OSBPL10: variants seen among roughly 807,000 people sequenced by gnomAD.
OSBPL10 encodes oxysterol-binding protein-related protein 10.
In OSBPL10, 49 loss-of-function variants were observed where a neutral mutation model predicts 81.7. The observed-to-expected ratio is 0.60, with a 90% CI of 0.48 to 0.76. The LOEUF is 0.76. OSBPL10 is among the 30% of genes least tolerant of loss of function. OSBPL10 has a pLI of 0.00. For missense variants in OSBPL10, 923 were observed against 987.8 expected, an observed-to-expected ratio of 0.93 and a Z score of 0.88; for synonymous variants, 419 against 383.6, an observed-to-expected ratio of 1.09 and a Z score of -1.08.
intron 1 of OSBPL10, among the ~76,000 whole-genome samples, chr3:31,932,946 T>C: frequency 6.6e-6 from 1 of 152,208 alleles, no homozygotes; most frequent in East Asian, 1.9e-4. Context: ...AACTGTACAC[T>C]TGAAAAGGTT....
chr3:31,686,212 G>A (rs1412154135), intron 7 of OSBPL10, among the ~76,000 whole-genome samples: 1 of 152,152 alleles, frequency 6.6e-6, no homozygotes, highest in Non-Finnish European at 1.5e-5. Context: ...AGAATTGTGA[G>A]CTAAATAAAT....
At chr3:31,774,334 A>G (rs1232078425) in intron 4 of OSBPL10, among the ~76,000 whole-genome samples, 1 of 152,122 alleles carries the variant, frequency 6.6e-6, no homozygotes, top group South Asian at 2.1e-4. Flanking sequence ...AAAGGATCCA[A>G]TAAATTGACT....
chr3:31,661,617 T>C lies in OSBPL10; in HGVS notation c.*455A>G, dbSNP rs1341103087. On this transcript the variant is annotated 3_prime_UTR_variant, in exon 12 of 12. Coordinates refer to ENST00000396556, the MANE Select transcript of OSBPL10 (RefSeq NM_017784.5). The stretch of plus-strand genomic sequence containing the variant: ...CTTCTACCAGGAATGAGCCACTTTC[T>C]CCCTTATGGACAGTGATCGGGCCAT... The C allele has an allele frequency of 6.6e-6, 1 of 152,628 alleles. No individual in the cohort carries two copies. The highest frequency in any genetic ancestry group is 1.5e-5 in the Non-Finnish European group (1 of 68,380). 9.5% of individuals were successfully genotyped at this position (152,628 alleles called of 1,614,324 possible). A position where few individuals can be genotyped will look rare whatever the true frequency, so the allele number is the denominator to read the frequency against.
At chr3:32,028,847 C>T (rs1699439530) in intron 2 of OSBPL10, among the ~76,000 whole-genome samples, 1 of 151,560 alleles carries the variant, frequency 6.6e-6, no homozygotes, top group Admixed American at 6.6e-5. Context: ...TATTTGTCCC[C>T]TCCAAAACTC....
At chr3:31,691,889 C>T (rs1695565278) in intron 7 of OSBPL10, among the ~76,000 whole-genome samples, 2 of 152,072 alleles carry the variant, frequency 1.3e-5, no homozygotes, top group African/African-American at 4.8e-5. Context: ...AGGAGAAATA[C>T]ACAAAAATCC....
intron 1 of OSBPL10, among the ~76,000 whole-genome samples, chr3:31,898,925 A>G (rs1696144496): frequency 6.7e-6 from 1 of 148,264 alleles, no homozygotes; most frequent in Non-Finnish European, 1.5e-5. Flanking sequence ...GGTTTGGGAG[A>G]AAGTTTAAGA....
intron 1 of OSBPL10, among the ~76,000 whole-genome samples, chr3:31,975,267 C>T (rs1013637294): frequency 6.6e-5 from 10 of 152,172 alleles, no homozygotes; most frequent in Non-Finnish European, 1.3e-4. Flanking sequence ...TCAAAACACT[C>T]TGGCAGACTA....
chr3:31,933,017 T>C (rs560763504), intron 1 of OSBPL10, among the ~76,000 whole-genome samples: 1 of 152,294 alleles, frequency 6.6e-6, no homozygotes, highest in East Asian at 1.9e-4. Flanking sequence ...TAAAATCAAA[T>C]ATTTCTCCTT....
At chr3:31,914,008 T>A (rs62243039) in intron 1 of OSBPL10, among the ~76,000 whole-genome samples, 1 of 152,060 alleles carries the variant, frequency 6.6e-6, no homozygotes, top group East Asian at 1.9e-4. Context: ...CTGAAACCTC[T>A]GCCTCCTGGG....
intron 1 of OSBPL10, among the ~76,000 whole-genome samples, chr3:31,887,815 AT>A (rs1408176079): frequency 6.6e-6 from 1 of 152,170 alleles, no homozygotes; most frequent in Non-Finnish European, 1.5e-5. Context: ...AAAATCTGGA[AT>A]CTTCTTAACT....
chr3:31,746,087 C>G (rs1389350888), intron 5 of OSBPL10, among the ~76,000 whole-genome samples: 2 of 152,154 alleles, frequency 1.3e-5, no homozygotes, highest in East Asian at 3.9e-4. Flanking sequence ...GCTATTTTTA[C>G]CTTTATCTTA....
At chr3:31,760,005 G>T (rs890826647) in intron 4 of OSBPL10, among the ~76,000 whole-genome samples, 1 of 152,136 alleles carries the variant, frequency 6.6e-6, no homozygotes, top group Non-Finnish European at 1.5e-5. Flanking sequence ...CAAGTGCGCT[G>T]CCCACCTTGA....
At chr3:31,743,674 AGTG>A (rs1184548943) in intron 5 of OSBPL10, among the ~76,000 whole-genome samples, 1 of 151,654 alleles carries the variant, frequency 6.6e-6, no homozygotes, top group Non-Finnish European at 1.5e-5. Flanking sequence ...AAAAAAAAAC[AGTG>A]CAAGGATCAG....
intron 1 of OSBPL10, among the ~76,000 whole-genome samples, chr3:32,048,047 A>G (rs1418411048): frequency 6.6e-6 from 1 of 152,070 alleles, no homozygotes; most frequent in Non-Finnish European, 1.5e-5. Context: ...TCCTGTGACT[A>G]AGAATGCAGC....
At chr3:31,731,549 T>A (rs368577864) in intron 6 of OSBPL10, among the ~76,000 whole-genome samples, 1 of 151,548 alleles carries the variant, frequency 6.6e-6, no homozygotes, top group East Asian at 1.9e-4. Context: ...AGTGCAATGG[T>A]GCGATCTTGG....
chr3:32,028,234 T>A (rs115115904), intron 2 of OSBPL10, among the ~76,000 whole-genome samples: 1 of 152,230 alleles, frequency 6.6e-6, no homozygotes, highest in African/African-American at 2.4e-5. Flanking sequence ...TTGGTCTTCA[T>A]GTCAAATGTA....
intron 1 of OSBPL10, among the ~76,000 whole-genome samples, chr3:31,916,999 T>C (rs1696774653): frequency 6.6e-6 from 1 of 152,022 alleles, no homozygotes; most frequent in Non-Finnish European, 1.5e-5. Context: ...ATTTCAAGCC[T>C]CTCCAAAAGC....
chr3:31,961,047 CTT>C (rs35027814), intron 1 of OSBPL10, among the ~76,000 whole-genome samples: 45,629 of 112,830 alleles, frequency 0.4, 9,633 homozygotes, highest in Admixed American at 0.52. Flanking sequence ...AAGCTACAGC[CTT>C]TTTTTTTTTT....
chr3:32,001,989 A>C (rs1346538814), intron 2 of OSBPL10, among the ~76,000 whole-genome samples: 1 of 152,204 alleles, frequency 6.6e-6, no homozygotes, highest in Non-Finnish European at 1.5e-5. Flanking sequence ...ACACAGAAGT[A>C]AGACATTCAT....
Sources: allele counts gnomAD v4.1 joint callset (sites outside exome capture counted in the v4.1 genomes callset), GRCh38; gene constraint gnomAD v4.1.1; transcripts MANE v1.5; gene names NCBI Gene and HGNC (gene_info 2026-07-23, HGNC 2026-07-21).